DLGAP4: variants seen among roughly 807,000 people sequenced by gnomAD.
DLGAP4 encodes disks large-associated protein 4.
In DLGAP4, 18 loss-of-function variants were observed where a neutral mutation model predicts 86.9. The ratio of observed to expected loss-of-function variants is 0.21; its 90% confidence interval spans 0.14 to 0.31. The LOEUF is 0.31. Among genes scored for constraint, DLGAP4 ranks in the 10% least tolerant of loss-of-function variants. DLGAP4 has a pLI of 1.00. For missense variants in DLGAP4, 1,085 were observed against 1,362.6 expected, an observed-to-expected ratio of 0.80 and a Z score of 3.21; for synonymous variants, 548 against 574.3, an observed-to-expected ratio of 0.95 and a Z score of 0.65.
intron 7 of DLGAP4, among the ~76,000 whole-genome samples, chr20:36,478,504 G>A (rs1332325443): frequency 2.6e-5 from 4 of 152,210 alleles, no homozygotes; most frequent in Non-Finnish European, 5.9e-5. Flanking sequence ...CTCCCAGGGG[G>A]TAGATGTTAT....
intron 7 of DLGAP4, among the ~76,000 whole-genome samples, chr20:36,454,847 C>T (rs777227680): frequency 5.3e-5 from 8 of 152,224 alleles, no homozygotes; most frequent in Non-Finnish European, 8.8e-5. Context: ...TGCCCGCCCA[C>T]CCACGTGGAC....
At chr20:36,435,078 T>G (rs887225339) in intron 3 of DLGAP4, among the ~76,000 whole-genome samples, 1 of 147,944 alleles carries the variant, frequency 6.8e-6, no homozygotes, top group Non-Finnish European at 1.5e-5. Context: ...TGCATACTTG[T>G]GGGGGGGGGT....
intron 2 of DLGAP4, among the ~76,000 whole-genome samples, chr20:36,413,575 C>T (rs1482968037): frequency 6.6e-6 from 1 of 151,544 alleles, no homozygotes; most frequent in Non-Finnish European, 1.5e-5. Flanking sequence ...GCCACCAGGC[C>T]CAGCTAATTT....
intron 1 of DLGAP4, among the ~76,000 whole-genome samples, chr20:36,319,483 CCCGGAA>C (rs1428950125): frequency 6.6e-6 from 1 of 152,156 alleles, no homozygotes; most frequent in Non-Finnish European, 1.5e-5. Flanking sequence ...CCGCACACCC[CCCGGAA>C]CCTTCTGGCA....
At chr20:36,462,558 A>T (rs1276248098) in intron 7 of DLGAP4, 2 of 1,600,430 alleles carry the variant, frequency 1.2e-6, no homozygotes, top group Non-Finnish European at 1.7e-6. Context: ...TCTGACCCCC[A>T]TCCGGCCCTC....
At chr20:36,508,306 G>A (rs753621538) in intron 10 of DLGAP4, 6 of 151,904 alleles carry the variant, frequency 3.9e-5, no homozygotes, top group African/African-American at 1.2e-4. Flanking sequence ...TATATTGAAC[G>A]CTATGTCTTG....
chr20:36,480,294 C>G (rs2035128832), intron 7 of DLGAP4, among the ~76,000 whole-genome samples: 1 of 152,226 alleles, frequency 6.6e-6, no homozygotes, highest in South Asian at 2.1e-4. Flanking sequence ...AGGTGTTTTA[C>G]TTCCAGACTT....
chr20:36,320,553 T>G (rs2147344674), intron 1 of DLGAP4, among the ~76,000 whole-genome samples: 1 of 152,296 alleles, frequency 6.6e-6, no homozygotes, highest in East Asian at 1.9e-4. Context: ...ACTCCCTTGC[T>G]GCATGCCCTG....
At chr20:36,378,119 G>T (rs2147437779) in intron 2 of DLGAP4, among the ~76,000 whole-genome samples, 1 of 152,240 alleles carries the variant, frequency 6.6e-6, no homozygotes, top group East Asian at 1.9e-4. Context: ...AGTTGCAAGG[G>T]GAAGCTCCTC....
intron 2 of DLGAP4, among the ~76,000 whole-genome samples, chr20:36,408,391 C>A (rs923305975): frequency 1.3e-5 from 2 of 152,062 alleles, no homozygotes; most frequent in South Asian, 2.1e-4. Flanking sequence ...ACTAAGCGGG[C>A]GGGATGTTTA....
intron 2 of DLGAP4, among the ~76,000 whole-genome samples, chr20:36,411,307 C>T (rs897363919): frequency 6.6e-6 from 1 of 152,134 alleles, no homozygotes; most frequent in Non-Finnish European, 1.5e-5. Flanking sequence ...AAATTCTTGT[C>T]TGAGGGTCTG....
chr20:36,331,987 G>A (rs1423872050), intron 1 of DLGAP4, among the ~76,000 whole-genome samples: 4 of 152,044 alleles, frequency 2.6e-5, no homozygotes, highest in Non-Finnish European at 5.9e-5. Context: ...GGGCGGGTAG[G>A]GGGAGATGAA....
chr20:36,404,747 T>TTGGA (rs1257627146), intron 2 of DLGAP4, among the ~76,000 whole-genome samples: 2 of 140,882 alleles, frequency 1.4e-5, no homozygotes, highest in Non-Finnish European at 3.0e-5. Flanking sequence ...TATTTGTTGG[T>TTGGA]TGGATGAATG....
At chr20:36,328,691 C>G (rs1335809951) in intron 1 of DLGAP4, among the ~76,000 whole-genome samples, 3 of 151,748 alleles carry the variant, frequency 2.0e-5, no homozygotes, top group Non-Finnish European at 4.4e-5. Context: ...TGCAGTGGTG[C>G]GATTTCGTCT....
intron 2 of DLGAP4, among the ~76,000 whole-genome samples, chr20:36,388,643 G>A (rs2031683965): frequency 6.6e-6 from 1 of 152,188 alleles, no homozygotes; most frequent in African/African-American, 2.4e-5. Context: ...TTAGCTGTGT[G>A]ACTCTGGGAA....
chr20:36,442,930 A>T (rs2033489539), intron 6 of DLGAP4, among the ~76,000 whole-genome samples, 153 bp downstream of exon 6: 2 of 152,214 alleles, frequency 1.3e-5, no homozygotes, highest in Admixed American at 1.3e-4. Flanking sequence ...GTTGAGGGTC[A>T]CATTGGTGTC....
Position 36,496,811 on chromosome 20 carries a change from C to T in DLGAP4, c.1755C>T (p.Ala585=). 6.2e-7 allele frequency: 1 copy of T among 1,614,212 alleles called. No individual in the cohort carries two copies. The change falls in exon 8 of 13, where the codon GCC becomes GCT. Residue 585 remains alanine, a synonymous_variant. Transcript: ENST00000339266. ...CAGTCCAGAGCAGTACTGAGTCTGC[C>T]CAGGACACCTACCTGGACAGCCAGG... ...SVTVQSSTES[A]QDTYLDSQDH...
intron 7 of DLGAP4, among the ~76,000 whole-genome samples, chr20:36,479,742 A>G (rs1469948888): frequency 6.6e-6 from 1 of 152,148 alleles, no homozygotes; most frequent in Non-Finnish European, 1.5e-5. Context: ...TGGTCCCTAC[A>G]CTAAAATGTT....
At position 36,467,058 on chromosome 20, in the gene DLGAP4, CTCT is replaced by C. The variant is rs2034435170; in HGVS notation, c.1648+20122_1648+20124del. On this transcript the variant is annotated intron_variant, in intron 7 of 12. Transcript: ENST00000339266. ...TCTCTCTCTCTCTCTCTCTCTCTCT[CTCT>C]CTCCCCCCCCCTTCTCTCGGCCCTG... Among the ~76,000 whole-genome samples, 194 of 124,762 alleles carry C rather than the reference CTCT, an allele frequency of 1.6e-3. 2 individuals are homozygous for C. The highest frequency in any genetic ancestry group is 3.6e-3 in the East Asian group (17 of 4,704). The allele number at this position is 124,762 out of a possible 152,430, so 81.8% of individuals were successfully genotyped here.
Sources: allele counts gnomAD v4.1 joint callset (sites outside exome capture counted in the v4.1 genomes callset), GRCh38; gene constraint gnomAD v4.1.1; transcripts MANE v1.5; gene names NCBI Gene and HGNC (gene_info 2026-07-23, HGNC 2026-07-21).